Variants in SUGCT observed in about 807,000 individuals in gnomAD.
The protein encoded by SUGCT is succinyl-CoA:glutarate CoA-transferase.
SUGCT carries 41 observed loss-of-function variants against 55.0 expected under a neutral mutation model. That is an observed-to-expected ratio of 0.74 (90% CI 0.58 to 0.97). The LOEUF is 0.97. Ranked by LOEUF, SUGCT falls within the 50% of genes least tolerant of loss-of-function variation. The pLI is 0.00. For missense variants in SUGCT, 568 were observed against 547.8 expected (o/e 1.04, Z -0.37); for synonymous variants, 187 against 200.4 (o/e 0.93, Z 0.56).
At chr7:40,639,958 T>C (rs1416712311) in intron 12 of SUGCT, among the ~76,000 whole-genome samples, 2 of 152,178 alleles carry the variant, frequency 1.3e-5, no homozygotes, top group Non-Finnish European at 2.9e-5. Flanking sequence ...CTTGCTTGAT[T>C]GGTTAGAGAA....
chr7:40,950,011 A>G, the SUGCT span, among the ~76,000 whole-genome samples: 1 of 152,214 alleles, frequency 6.6e-6, no homozygotes, highest in Admixed American at 6.5e-5. Context: ...TGGTAGCTTG[A>G]TAGGGATGTC....
At chr7:40,284,267 G>A (rs944409167) in intron 8 of SUGCT, among the ~76,000 whole-genome samples, 2 of 152,024 alleles carry the variant, frequency 1.3e-5, no homozygotes, top group Admixed American at 6.6e-5. Context: ...TTTAAATTTC[G>A]TAAGAGATTA....
At chr7:40,684,836 T>G (rs1379998038) in intron 12 of SUGCT, among the ~76,000 whole-genome samples, 3 of 152,098 alleles carry the variant, frequency 2.0e-5, no homozygotes, top group Non-Finnish European at 4.4e-5. Context: ...TTTTCGTGGT[T>G]GTTTTTGTTG....
At chr7:40,260,840 A>G (rs1791176995) in intron 7 of SUGCT, among the ~76,000 whole-genome samples, 1 of 151,836 alleles carries the variant, frequency 6.6e-6, no homozygotes, top group Non-Finnish European at 1.5e-5. Flanking sequence ...TCAGTTGGCC[A>G]GGCTGGTCTT....
chr7:40,947,701 C>A, the SUGCT span, among the ~76,000 whole-genome samples: 2 of 152,126 alleles, frequency 1.3e-5, no homozygotes, highest in African/African-American at 4.8e-5. Context: ...AGTCTATATT[C>A]TTTGTCATGT....
chr7:40,656,328 A>G (rs986424020), intron 12 of SUGCT, among the ~76,000 whole-genome samples: 2 of 152,012 alleles, frequency 1.3e-5, no homozygotes, highest in African/African-American at 4.8e-5. Context: ...TCAAAGGGAT[A>G]TTCCAAAGTT....
chr7:40,901,629 C>T, the SUGCT span, among the ~76,000 whole-genome samples: 1 of 152,138 alleles, frequency 6.6e-6, no homozygotes, highest in African/African-American at 2.4e-5. Flanking sequence ...TTCAGGTCCA[C>T]GTTAACCTTG....
At chr7:40,552,411 C>G (rs1795345488) in intron 12 of SUGCT, among the ~76,000 whole-genome samples, 1 of 152,112 alleles carries the variant, frequency 6.6e-6, no homozygotes, top group South Asian at 2.1e-4. Context: ...TGGGGCTGCA[C>G]TCTCTGAGCC....
intron 9 of SUGCT, among the ~76,000 whole-genome samples, chr7:40,448,181 G>A (rs896865256): frequency 1.1e-4 from 17 of 151,116 alleles, no homozygotes; most frequent in Non-Finnish European, 2.4e-4. Flanking sequence ...AAGCAATGTA[G>A]CTCCATGAGG....
At chr7:40,366,743 G>A (rs533421897) in intron 9 of SUGCT, among the ~76,000 whole-genome samples, 3 of 150,140 alleles carry the variant, frequency 2.0e-5, no homozygotes, top group East Asian at 1.9e-4. Context: ...TAGAATGGCA[G>A]TCATTAAAAA....
chr7:40,316,770 T>G lies in SUGCT; in HGVS notation c.731T>G (p.Leu244Trp). ...CNLLSSQVAC[L>W]SHIAANYLIG... ...TTTTTTTCCTGGTAGGTGGCGTGTT[T>G]GTCTCACATAGCTGCAAATTATCTT... The change falls in exon 9 of 14, where the codon TTG (leucine) becomes TGG (tryptophan). Residue 244 changes from leucine (L) to tryptophan (W), a missense_variant. Transcript: ENST00000335693. The G allele has an allele frequency of 6.3e-7, 1 of 1,597,080 alleles. No homozygotes were observed. Among genetic ancestry groups the G allele is most frequent in the Non-Finnish European group, 8.5e-7 (1 of 1,170,574 alleles).
chr7:40,314,564 T>A (rs1449187938), intron 8 of SUGCT, among the ~76,000 whole-genome samples: 1 of 144,434 alleles, frequency 6.9e-6, no homozygotes, highest in East Asian at 2.0e-4. Flanking sequence ...TGTGTCTTTT[T>A]TTTTTTTTTT....
At chr7:40,975,410 T>C in the SUGCT span, among the ~76,000 whole-genome samples, 3 of 152,290 alleles carry the variant, frequency 2.0e-5, no homozygotes, top group East Asian at 1.9e-4. Context: ...TATGCAAGAT[T>C]CTATTCATTC....
At chr7:40,492,464 C>T (rs1176001208) in intron 11 of SUGCT, among the ~76,000 whole-genome samples, 3 of 152,154 alleles carry the variant, frequency 2.0e-5, no homozygotes, top group African/African-American at 7.2e-5. Flanking sequence ...CTGAGTAGGT[C>T]AGTCCCCTGC....
rs187826445 is a variant in SUGCT, at chr7:40,514,658, C to T, written c.1089+18272C>T. Among the ~76,000 whole-genome samples, 292 of 140,666 alleles carry T rather than the reference C, an allele frequency of 2.1e-3. 2 individuals are homozygous for T. The highest frequency in any genetic ancestry group is 7.5e-3 in the African/African-American group (283 of 37,772). The allele number at this position is 140,666 out of a possible 152,430, so 92.3% of individuals were successfully genotyped here. On this transcript the variant is annotated intron_variant, in intron 12 of 13. Transcript: ENST00000335693. ...CCGGGAGGCGGAGGTTGCAGTGAGC[C>T]GAGATCGTGCCATTGCACTGCGGCC...
At chr7:40,367,665 C>G (rs1784068112) in intron 9 of SUGCT, among the ~76,000 whole-genome samples, 1 of 152,096 alleles carries the variant, frequency 6.6e-6, no homozygotes, top group Non-Finnish European at 1.5e-5. Flanking sequence ...CAATATTTAA[C>G]TAAGGCAAAC....
At chr7:40,983,881 G>T in the SUGCT span, among the ~76,000 whole-genome samples, 3 of 152,176 alleles carry the variant, frequency 2.0e-5, no homozygotes, top group East Asian at 3.9e-4. Context: ...AGAAGTCACA[G>T]AAATCAATTT....
chr7:40,535,479 G>A (rs1357098614), intron 12 of SUGCT, among the ~76,000 whole-genome samples: 1 of 152,220 alleles, frequency 6.6e-6, no homozygotes, highest in Non-Finnish European at 1.5e-5. Context: ...ACTGTGGAAA[G>A]GAGTTGGGAG....
chr7:40,482,777 A>G (rs1449954310), intron 11 of SUGCT, among the ~76,000 whole-genome samples: 1 of 152,222 alleles, frequency 6.6e-6, no homozygotes, highest in Non-Finnish European at 1.5e-5. Context: ...GTGAATGATT[A>G]GTATGGACGA....
Sources: allele counts gnomAD v4.1 joint callset (sites outside exome capture counted in the v4.1 genomes callset), GRCh38; gene constraint gnomAD v4.1.1; transcripts MANE v1.5; gene names NCBI Gene and HGNC (gene_info 2026-07-23, HGNC 2026-07-21).